DMD: variants seen among roughly 807,000 people sequenced by gnomAD.
DMD encodes dystrophin.
DMD carries 63 observed loss-of-function variants against 330.1 expected under a neutral mutation model. That is an observed-to-expected ratio of 0.19 (90% confidence interval 0.16 to 0.24). The LOEUF is 0.24. Among genes scored for constraint, DMD ranks in the 10% least tolerant of loss-of-function variants. DMD has a pLI of 1.00. For synonymous variants in DMD, 1,223 were observed against 959.8 expected (o/e 1.27, Z -5.07); for missense variants, 3,344 against 2,684.1 (o/e 1.25, Z -5.43).
intron 7 of DMD, chrX:32,755,026 GGCCT>G (rs1203542708): frequency 1.8e-5 from 2 of 110,901 alleles, no homozygotes; most frequent in Non-Finnish European, 3.8e-5. Context: ...CTTTCCTTAC[GGCCT>G]GAGTTTTGGT....
At chrX:33,003,212 G>A (rs2093326975) in intron 2 of DMD, among the ~76,000 whole-genome samples, 1 of 110,501 alleles carries the variant, frequency 9.0e-6, no homozygotes, top group Non-Finnish European at 1.9e-5. Flanking sequence ...CATCCTCATA[G>A]TTGAGCTCCC....
At chrX:31,139,472 T>TACACACACACACACAC (rs201931479) in intron 76 of DMD, among the ~76,000 whole-genome samples, 33 of 83,462 alleles carry the variant, frequency 4.0e-4, no homozygotes, top group African/African-American at 1.4e-3. Flanking sequence ...GTGGTGTTTA[T>TACACACACACACACAC]ATACACACAC....
In DMD at chrX:32,645,031, G is replaced by T. The variant is rs946816277; in HGVS notation, c.1082C>A (p.Thr361Lys). The T allele has an allele frequency of 8.3e-7, 1 of 1,209,878 alleles. No homozygotes were observed. The highest frequency in any genetic ancestry group is 1.7e-5 in the African/African-American group (1 of 57,166). ...AGAAATCTCTCCTTGTGCTTGCAATGTGTCCTCAGCAGAAAGAAGCCACGA... is the reference window on the plus strand; with the variant it reads ...AGAAATCTCTCCTTGTGCTTGCAATTTGTCCTCAGCAGAAAGAAGCCACGA... Reference protein sequence around the residue: ...VLSWLLSAEDTLQAQGEISND... With the variant: ...VLSWLLSAEDKLQAQGEISND... Residue 361 changes from threonine to lysine, a missense_variant, in exon 10 of 79, where the codon ACA becomes AAA. Thr to Lys is a moderately conservative substitution (Grantham distance 78). Transcript: ENST00000357033.
At chrX:31,410,287 A>G (rs1222009598) in intron 60 of DMD, among the ~76,000 whole-genome samples, 2 of 112,139 alleles carry the variant, frequency 1.8e-5, no homozygotes, top group Non-Finnish European at 3.8e-5. Context: ...CCCTTTTATT[A>G]TAGAACTCGG....
intron 48 of DMD, among the ~76,000 whole-genome samples, chrX:31,857,380 G>GGAAAA (rs1448687044): frequency 1.1e-4 from 4 of 36,786 alleles, no homozygotes; most frequent in African/African-American, 4.6e-4. Flanking sequence ...CTCCACCTCG[G>GGAAAA]AAAAAAAAAA....
intron 54 of DMD, among the ~76,000 whole-genome samples, chrX:31,644,806 G>A (rs1348259869): frequency 9.0e-6 from 1 of 111,573 alleles, no homozygotes; most frequent in African/African-American, 3.3e-5. Flanking sequence ...GACCAGGTCC[G>A]TCCACCAGGA....
At chrX:32,693,073 G>A (rs752740911) in intron 9 of DMD, among the ~76,000 whole-genome samples, 1 of 111,781 alleles carries the variant, frequency 8.9e-6, no homozygotes, top group East Asian at 2.8e-4. Context: ...TAGGGGGGCA[G>A]AAGAGTATAG....
At chrX:32,886,873 T>TA (rs1400844143) in intron 2 of DMD, among the ~76,000 whole-genome samples, 3 of 111,618 alleles carry the variant, frequency 2.7e-5, no homozygotes, top group Non-Finnish European at 3.8e-5. Context: ...TATGTGATAG[T>TA]AAAAAAGGGT....
intron 7 of DMD, among the ~76,000 whole-genome samples, chrX:32,709,646 A>C (rs1293290570): frequency 9.0e-6 from 1 of 110,948 alleles, no homozygotes; most frequent in Non-Finnish European, 1.9e-5. Flanking sequence ...GTGCTCTTTT[A>C]CCTAAAATAA....
chrX:31,605,397 C>T (rs2077563000), intron 55 of DMD, among the ~76,000 whole-genome samples: 3 of 111,684 alleles, frequency 2.7e-5, no homozygotes, highest in South Asian at 7.4e-4. Flanking sequence ...TATTGCTAGA[C>T]TCCTAAAATA....
At chrX:33,022,595 T>C (rs1035296417) in intron 1 of DMD, among the ~76,000 whole-genome samples, 1 of 110,675 alleles carries the variant, frequency 9.0e-6, no homozygotes, top group African/African-American at 3.3e-5. Context: ...ATAACAATTC[T>C]TAGTGCCTTA....
rs1462215447 is a variant in DMD at position 31,121,925 on chromosome X, T to C, written c.11052A>G (p.Thr3684=). ...GCCATGTGGAAAAGACTTCCTACATTGTGTCCTGGAAAACAAAGAGAAAGA... is the reference window on the plus strand; with the variant it reads ...GCCATGTGGAAAAGACTTCCTACATCGTGTCCTGGAAAACAAAGAGAAAGA... ...NTPGKPMRED[T]M The change falls in exon 79 of 79, where the codon ACA becomes ACG. Residue 3684 remains threonine, a synonymous_variant. Coordinates refer to ENST00000357033, the MANE Select transcript of DMD (RefSeq NM_004006.3). 8.4e-7 allele frequency: 1 copy of C among 1,195,583 alleles called. No individual in the cohort carries two copies. The highest frequency in any genetic ancestry group is 1.1e-6 in the Non-Finnish European group (1 of 881,335).
At chrX:32,541,862 G>GATTC (rs2048517074) in intron 17 of DMD, among the ~76,000 whole-genome samples, 1 of 110,748 alleles carries the variant, frequency 9.0e-6, no homozygotes, top group African/African-American at 3.3e-5. Flanking sequence ...GATTCCAAAA[G>GATTC]CAATGATTTT....
At chrX:31,447,734 C>G (rs994448077) in intron 59 of DMD, among the ~76,000 whole-genome samples, 3 of 110,851 alleles carry the variant, frequency 2.7e-5, no homozygotes, top group Admixed American at 9.6e-5. Flanking sequence ...TGGGGTGGCT[C>G]AAGACTGTAA....
intron 1 of DMD, among the ~76,000 whole-genome samples, chrX:33,031,445 T>C (rs765113163): frequency 5.0e-4 from 56 of 111,359 alleles, no homozygotes; most frequent in African/African-American, 1.8e-3. Flanking sequence ...CCCACATTTC[T>C]TGGCTTGATC....
chrX:32,722,604 C>CA (rs1235497055), intron 7 of DMD, among the ~76,000 whole-genome samples: 1 of 110,534 alleles, frequency 9.0e-6, no homozygotes, highest in Non-Finnish European at 1.9e-5. Flanking sequence ...GATATTTTCC[C>CA]ATATATTTAC....
intron 62 of DMD, among the ~76,000 whole-genome samples, chrX:31,322,681 A>G (rs2148289255): frequency 8.9e-6 from 1 of 112,114 alleles, no homozygotes; most frequent in African/African-American, 3.2e-5. Context: ...TTGCTTTAGA[A>G]CCGAATTAAG....
At chrX:31,423,266 A>G (rs982207426) in intron 60 of DMD, among the ~76,000 whole-genome samples, 2 of 111,878 alleles carry the variant, frequency 1.8e-5, no homozygotes, top group African/African-American at 6.5e-5. Context: ...AATACAAATA[A>G]AATGATAATT....
At chrX:31,325,864 C>T (rs1359197182) in intron 61 of DMD, among the ~76,000 whole-genome samples, 1 of 111,044 alleles carries the variant, frequency 9.0e-6, no homozygotes, top group Non-Finnish European at 1.9e-5. Context: ...CCTGTGAATA[C>T]CTAAACTGAG....
Sources: allele counts gnomAD v4.1 joint callset (sites outside exome capture counted in the v4.1 genomes callset), GRCh38; gene constraint gnomAD v4.1.1; transcripts MANE v1.5; gene names NCBI Gene and HGNC (gene_info 2026-07-23, HGNC 2026-07-21).